Variants in EZH2 observed in about 807,000 individuals in gnomAD.
EZH2 encodes the protein enhancer of zeste 2 polycomb repressive complex 2 subunit, also known as histone-lysine N-methyltransferase EZH2.
Under a neutral mutation model 98.4 loss-of-function variants are expected in EZH2, and 18 were observed. The observed-to-expected ratio is 0.18, with a 90% CI of 0.13 to 0.27. The LOEUF (loss-of-function observed/expected upper bound fraction) is 0.27. EZH2 is among the 10% of genes least tolerant of loss of function. The pLI is 1.00. For missense variants in EZH2, 470 were observed against 935.1 expected (o/e 0.50, Z 6.49); for synonymous variants, 338 against 312.3 (o/e 1.08, Z -0.87).
intron 15 of EZH2, 160 bp from the exon 16 acceptor site, chr7:148,811,880 C>A (rs1052360931): frequency 4.9e-6 from 3 of 609,236 alleles, no homozygotes; most frequent in East Asian, 2.8e-5. Context: ...AACGTGAAAG[C>A]TGCTGAGAAT....
At chr7:148,853,242 T>C (rs1481480655) in intron 1 of EZH2, among the ~76,000 whole-genome samples, 1 of 152,106 alleles carries the variant, frequency 6.6e-6, no homozygotes, top group African/African-American at 2.4e-5. Flanking sequence ...TAAAACCCTG[T>C]TTCTACTAAA....
intron 1 of EZH2, among the ~76,000 whole-genome samples, chr7:148,879,744 C>A (rs989444041): frequency 6.6e-6 from 1 of 151,890 alleles, no homozygotes; most frequent in African/African-American, 2.4e-5. Flanking sequence ...TGGTGGCGCA[C>A]GCTTGTAGTC....
chr7:148,834,399 T>C, intron 3 of EZH2, among the ~76,000 whole-genome samples: 1 of 150,992 alleles, frequency 6.6e-6, no homozygotes, highest in African/African-American at 2.5e-5. Context: ...AATGTTTAAA[T>C]TTTTTATTTA....
chr7:148,884,104 C>G (rs1821456501), intron 1 of EZH2, 60 bp downstream of exon 1: 1 of 152,176 alleles, frequency 6.6e-6, no homozygotes, highest in African/African-American at 2.4e-5. Flanking sequence ...GCGCCGCCGC[C>G]GCCGCCCGGT....
chr7:148,868,724 A>T (rs1471595455), intron 1 of EZH2, among the ~76,000 whole-genome samples: 1 of 152,178 alleles, frequency 6.6e-6, no homozygotes, highest in Non-Finnish European at 1.5e-5. Flanking sequence ...GGTAGTCTAG[A>T]TTTAAAAGTT....
chr7:148,881,997 C>T (rs1007518727), intron 1 of EZH2, among the ~76,000 whole-genome samples: 3 of 138,052 alleles, frequency 2.2e-5, no homozygotes, highest in Admixed American at 7.4e-5. Flanking sequence ...CACACACACA[C>T]ACATATGTAT....
chr7:148,813,836 A>T (rs979409554), intron 15 of EZH2, 123 bp downstream of exon 15: 1 of 983,986 alleles, frequency 1.0e-6, no homozygotes, highest in Non-Finnish European at 1.5e-6. Flanking sequence ...CTTTCTCATC[A>T]GTTGCACCTT....
intron 8 of EZH2, among the ~76,000 whole-genome samples, chr7:148,825,057 C>T (rs1017278867): frequency 1.1e-4 from 17 of 152,104 alleles, no homozygotes; most frequent in Non-Finnish European, 2.2e-4. Context: ...TTCATTTTTA[C>T]AGCAAAAAAA....
At chr7:148,812,760 G>C (rs901180741) in intron 15 of EZH2, among the ~76,000 whole-genome samples, 2 of 152,098 alleles carry the variant, frequency 1.3e-5, no homozygotes, top group African/African-American at 4.8e-5. Context: ...AACGGAACCA[G>C]AGTCACTGTG....
At chr7:148,864,338 T>C (rs1193450210) in intron 1 of EZH2, among the ~76,000 whole-genome samples, 3 of 152,174 alleles carry the variant, frequency 2.0e-5, no homozygotes, top group Non-Finnish European at 2.9e-5. Flanking sequence ...TTTAAAGAAT[T>C]TGCTTGAACA....
At chr7:148,883,000 T>G (rs1173343207) in intron 1 of EZH2, among the ~76,000 whole-genome samples, 3 of 152,230 alleles carry the variant, frequency 2.0e-5, no homozygotes, top group African/African-American at 7.2e-5. Context: ...AACACACATT[T>G]GTCATAGCCA....
rs1805075453 is a variant in EZH2, at chr7:148,818,131, A to C, written c.1000-14T>G. 7 of 1,539,406 alleles carry C rather than the reference A, an allele frequency of 4.5e-6. No homozygotes were observed. The highest frequency in any genetic ancestry group is 6.1e-6 in the Non-Finnish European group (7 of 1,147,420). On this transcript the variant is annotated splice_polypyrimidine_tract_variant and intron_variant, in intron 9 of 19. Transcript: ENST00000320356. Reference sequence around the variant, plus strand: ...CTTTGCTCCCTCCTACGAAATGAAAAATGTCAACATCAGGGCAAAGTTCTA... The same window carrying C: ...CTTTGCTCCCTCCTACGAAATGAAACATGTCAACATCAGGGCAAAGTTCTA...
rs542773423 is a variant in EZH2, at chr7:148,877,376, C to T, written c.-8+6788G>A. On this transcript the variant is annotated intron_variant, in intron 1 of 19. Coordinates refer to ENST00000320356, the MANE Select transcript of EZH2 (RefSeq NM_004456.5). The stretch of plus-strand genomic sequence containing the variant: ...TTTTGTAACTTACCAGTCCTAAGCA[C>T]GTAATTTTAACTTGAGAAGTGTTTG... 1.6e-4 allele frequency among the ~76,000 whole-genome samples: 24 copies of T among 152,224 alleles called. No homozygotes were observed. In the East Asian group the frequency reaches 2.9e-3, roughly 18 times the overall value.
chr7:148,834,785 T>A (rs1482315868), intron 3 of EZH2, among the ~76,000 whole-genome samples: 1 of 152,186 alleles, frequency 6.6e-6, no homozygotes, highest in African/African-American at 2.4e-5. Context: ...CATCCATCCA[T>A]CCAATAATCC....
chr7:148,810,800 G>A (rs1013404784), intron 16 of EZH2, among the ~76,000 whole-genome samples: 1 of 151,368 alleles, frequency 6.6e-6, no homozygotes, highest in African/African-American at 2.4e-5. Context: ...GGACACTGAG[G>A]CAGGAGAATC....
chr7:148,855,829 C>A (rs1363608067), intron 1 of EZH2, among the ~76,000 whole-genome samples: 1 of 132,828 alleles, frequency 7.5e-6, no homozygotes, highest in East Asian at 2.5e-4. Context: ...ACCTAGGAGG[C>A]GGAGGTTGCA....
At chr7:148,815,635 T>A (rs1804349296) in intron 12 of EZH2, 89 bp from the exon 13 acceptor site, 2 of 1,174,126 alleles carry the variant, frequency 1.7e-6, no homozygotes, top group East Asian at 2.3e-5. Context: ...ATCTGTGCCA[T>A]GAATACAGGA....
chr7:148,862,433 C>T (rs754754181), intron 1 of EZH2, among the ~76,000 whole-genome samples: 4 of 152,112 alleles, frequency 2.6e-5, no homozygotes, highest in Non-Finnish European at 4.4e-5. Context: ...CAAAAGTTTT[C>T]CAAAAATTTT....
chr7:148,869,117 G>C (rs1391026166), intron 1 of EZH2, among the ~76,000 whole-genome samples: 1 of 152,066 alleles, frequency 6.6e-6, no homozygotes, highest in Non-Finnish European at 1.5e-5. Context: ...AAGATAATAG[G>C]CTTATAATCA....
Sources: gnomAD v4.1 joint callset for allele counts (sites outside exome capture counted in the v4.1 genomes callset) on GRCh38, gnomAD v4.1.1 for gene constraint, MANE v1.5 for transcripts, NCBI Gene and HGNC (gene_info 2026-07-23, HGNC 2026-07-21) for gene names.